Variants in PIGL observed in about 807,000 individuals in gnomAD.
PIGL encodes the protein phosphatidylinositol glycan anchor biosynthesis class L.
A neutral mutation model predicts 31.1 loss-of-function variants in PIGL; 22 were observed. That is an observed-to-expected ratio of 0.71 (90% CI 0.51 to 1.01). The LOEUF (loss-of-function observed/expected upper bound fraction) is 1.01. Among genes scored for constraint, PIGL ranks in the 50% least tolerant of loss-of-function variants. The pLI, the probability that PIGL is intolerant of heterozygous loss-of-function variation, is 0.00. For missense variants in PIGL, 302 were observed against 315.9 expected, an observed-to-expected ratio of 0.96 and a Z score of 0.33; for synonymous variants, 131 against 117.4, an observed-to-expected ratio of 1.12 and a Z score of -0.75.
intron 6 of PIGL, among the ~76,000 whole-genome samples, chr17:16,319,963 C>T (rs112054299): frequency 5.8e-4 from 88 of 151,632 alleles, no homozygotes; most frequent in African/African-American, 2.1e-3. Flanking sequence ...AGACTTAAGC[C>T]CCCCACAGAG....
intron 2 of PIGL, among the ~76,000 whole-genome samples, chr17:16,249,601 G>A (rs1319882899): frequency 1.3e-5 from 2 of 152,346 alleles, no homozygotes; most frequent in South Asian, 4.1e-4. Context: ...CTGCAAGCTG[G>A]ATGCCAGAAG....
At chr17:16,276,042 C>T (rs747647739) in intron 2 of PIGL, among the ~76,000 whole-genome samples, 19 of 151,884 alleles carry the variant, frequency 1.3e-4, no homozygotes, top group African/African-American at 3.9e-4. Context: ...AGAAAGAAAG[C>T]GTCATTATGG....
chr17:16,264,618 A>G (rs2092834247), intron 2 of PIGL, among the ~76,000 whole-genome samples: 1 of 15,220 alleles, frequency 6.6e-5, no homozygotes, highest in South Asian at 6.4e-3. Context: ...TATTATTATT[A>G]TTATTATTAT....
Position 16,241,137 on chromosome 17 carries a change from G to T in PIGL, c.335+7067G>T, listed in dbSNP as rs201272697. On this transcript the variant is annotated intron_variant, in intron 2 of 6. Transcript: ENST00000225609. ...CTCAAAAAAAAAAAAAAAAAAAAAA[G>T]AAGTGGCAGGAATTCAACGAACAAA... is the stretch of plus-strand genomic sequence containing the variant. 9.7e-5 allele frequency among the ~76,000 whole-genome samples: 9 copies of T among 93,106 alleles called. 1 individual carries two copies. The highest frequency in any genetic ancestry group is 3.3e-4 in the South Asian group (1 of 3,034). 61.1% of individuals were successfully genotyped at this position (93,106 alleles called of 152,430 possible).
chr17:16,312,107 G>A (rs1204084326), intron 3 of PIGL, among the ~76,000 whole-genome samples: 1 of 145,672 alleles, frequency 6.9e-6, no homozygotes, highest in Non-Finnish European at 1.5e-5. Context: ...CCTCCCTCCC[G>A]GAGGGGGCGG....
intron 1 of PIGL, among the ~76,000 whole-genome samples, chr17:16,227,371 A>G (rs1211845437): frequency 6.6e-6 from 1 of 152,098 alleles, no homozygotes; most frequent in Non-Finnish European, 1.5e-5. Context: ...TTGGCCTCCC[A>G]AAGTGCTGGG....
At chr17:16,318,339 C>G (rs935413014) in intron 6 of PIGL, among the ~76,000 whole-genome samples, 1 of 151,292 alleles carries the variant, frequency 6.6e-6, no homozygotes, top group Non-Finnish European at 1.5e-5. Flanking sequence ...GGTGCAATCT[C>G]GGCTCACTGC....
At chr17:16,271,677 G>A (rs1463536350) in intron 2 of PIGL, among the ~76,000 whole-genome samples, 3 of 151,708 alleles carry the variant, frequency 2.0e-5, no homozygotes, top group Non-Finnish European at 4.4e-5. Flanking sequence ...GACTACAGGC[G>A]CACACCACCA....
intron 2 of PIGL, among the ~76,000 whole-genome samples, chr17:16,263,152 G>C (rs2092826235): frequency 1.3e-5 from 2 of 151,820 alleles, no homozygotes; most frequent in Non-Finnish European, 2.9e-5. Context: ...TGGCTGCACA[G>C]CTCTGTGAAC....
intron 3 of PIGL, among the ~76,000 whole-genome samples, chr17:16,310,639 C>A (rs542820661): frequency 2.0e-5 from 3 of 152,022 alleles, no homozygotes; most frequent in South Asian, 4.2e-4. Context: ...TGGGTTCAGG[C>A]GATTCTCCTG....
intron 2 of PIGL, among the ~76,000 whole-genome samples, chr17:16,280,570 C>A (rs2092912479): frequency 6.6e-6 from 1 of 152,178 alleles, no homozygotes; most frequent in Non-Finnish European, 1.5e-5. Context: ...GCATGCACAG[C>A]CTCTCTGGTT....
At chr17:16,322,737 C>G (rs145308438) in intron 6 of PIGL, among the ~76,000 whole-genome samples, 2 of 152,166 alleles carry the variant, frequency 1.3e-5, no homozygotes, top group African/African-American at 2.4e-5. Context: ...CGTGGACACT[C>G]GCAGAGGGGT....
chr17:16,222,793 C>T (rs1253535606), intron 1 of PIGL, among the ~76,000 whole-genome samples: 2 of 151,918 alleles, frequency 1.3e-5, no homozygotes, highest in Non-Finnish European at 1.5e-5. Context: ...AGGTGCATCA[C>T]GTGAGGTCAG....
At position 16,317,778 on chromosome 17, in the gene PIGL, G is replaced by A; in HGVS notation, c.530G>A (p.Cys177Tyr). The A allele has an allele frequency of 6.2e-7, 1 of 1,613,940 alleles. No homozygotes were observed. Among genetic ancestry groups the A allele is most frequent in the Non-Finnish European group, 8.5e-7 (1 of 1,180,026 alleles). Residue 177 changes from cysteine (C) to tyrosine (Y), a missense_variant, in exon 6 of 7, where the codon TGC becomes TAC. Physicochemically the swap from Cys to Tyr is radical, Grantham distance 194. Transcript: ENST00000225609. ...LHSEGKLPKGCSVLTLQSVNV... is the reference protein window; with the variant it reads ...LHSEGKLPKGYSVLTLQSVNV... ...ACCCTGTCTCCTCTCCATCCAGGGT[G>A]CTCTGTGCTCACGCTTCAGTCTGTG...
chr17:16,310,979 G>A lies in PIGL; in HGVS notation c.427-2568G>A, dbSNP rs79396067. Among the ~76,000 whole-genome samples the A allele has an allele frequency of 1.6e-4, 25 of 152,292 alleles. No homozygotes were observed. In the East Asian group the frequency reaches 3.1e-3, roughly 19 times the overall value. On this transcript the variant is annotated intron_variant, in intron 3 of 6. Coordinates refer to ENST00000225609, the MANE Select transcript of PIGL (RefSeq NM_004278.4). ...TGAACTTCCTCAGGTGTAAGATAGG[G>A]TTAATACTATGTCTTTGCTCAATAA...
intron 1 of PIGL, among the ~76,000 whole-genome samples, chr17:16,228,622 T>C (rs573495712): frequency 4.0e-5 from 6 of 150,350 alleles, no homozygotes; most frequent in Non-Finnish European, 8.9e-5. Context: ...TCTCCTGACC[T>C]CGTGATCCGC....
intron 3 of PIGL, among the ~76,000 whole-genome samples, chr17:16,304,419 C>T (rs929648800): frequency 2.0e-5 from 3 of 152,120 alleles, no homozygotes; most frequent in Non-Finnish European, 4.4e-5. Flanking sequence ...ACTGCAGGAA[C>T]ATCATAAAGA....
chr17:16,238,048 T>C (rs1306119582), intron 2 of PIGL, among the ~76,000 whole-genome samples: 5 of 150,858 alleles, frequency 3.3e-5, no homozygotes, highest in Non-Finnish European at 7.4e-5. Flanking sequence ...ATACAAAAAT[T>C]AGTGGGGTGT....
intron 3 of PIGL, among the ~76,000 whole-genome samples, chr17:16,301,773 A>C (rs762130411): frequency 6.6e-6 from 1 of 151,136 alleles, no homozygotes; most frequent in East Asian, 2.0e-4. Flanking sequence ...GGGTTCCCCT[A>C]TGTTAGCCAG....
Sources: gnomAD v4.1 joint callset for allele counts (sites outside exome capture counted in the v4.1 genomes callset) on GRCh38, gnomAD v4.1.1 for gene constraint, MANE v1.5 for transcripts, NCBI Gene and HGNC (gene_info 2026-07-23, HGNC 2026-07-21) for gene names.